DPYSL2: variants seen among roughly 807,000 people sequenced by gnomAD.
The protein encoded by DPYSL2 is dihydropyrimidinase-related protein 2.
In DPYSL2, 13 loss-of-function variants were observed where a neutral mutation model predicts 69.9. The observed-to-expected ratio is 0.19, with a 90% CI of 0.12 to 0.30. The LOEUF is 0.30. Among genes scored for constraint, DPYSL2 ranks in the 10% least tolerant of loss-of-function variants. The pLI, the probability that DPYSL2 is intolerant of heterozygous loss-of-function variation, is 1.00. For missense variants in DPYSL2, 587 were observed against 918.9 expected (o/e 0.64, Z 4.67); for synonymous variants, 326 against 359.1 (o/e 0.91, Z 1.04).
rs186446898 is a variant in DPYSL2, at chr8:26,529,506, A to G, written c.354+14827A>G. ...TCATTTTTTAATTTTTTGTAGAGAC[A>G]TGGCCTCATTTTGTTCTCCAGGCTG... On this transcript the variant is annotated intron_variant, in intron 1 of 13. Coordinates refer to ENST00000521913, the MANE Select transcript of DPYSL2 (RefSeq NM_001197293.3). 2.3e-3 allele frequency among the ~76,000 whole-genome samples: 352 copies of G among 152,004 alleles called. 2 individuals carry two copies. The highest frequency in any genetic ancestry group is 8.3e-3 in the African/African-American group (343 of 41,462).
intron 1 of DPYSL2, among the ~76,000 whole-genome samples, chr8:26,529,431 G>A (rs1800459627): frequency 6.6e-6 from 1 of 152,018 alleles, no homozygotes; most frequent in African/African-American, 2.4e-5. Context: ...CTGGGCTCAT[G>A]TGATTTTCTT....
At chr8:26,567,716 A>G (rs1801174717) in intron 1 of DPYSL2, among the ~76,000 whole-genome samples, 1 of 152,176 alleles carries the variant, frequency 6.6e-6, no homozygotes, top group Non-Finnish European at 1.5e-5. Context: ...ATGCTGGGAG[A>G]GGCAGGCATG....
rs1803395851 is a variant in DPYSL2 at position 26,656,528 on chromosome 8, C to CTT, written c.*823_*824insTT. On this transcript the variant is annotated 3_prime_UTR_variant, in exon 14 of 14. Transcript: ENST00000521913. ...CATGAATATTTTCGTGTCTGTCTCTCTCTCTCTCTGTGTTTCCTCCAGCCC... is the reference window on the plus strand; with the variant it reads ...CATGAATATTTTCGTGTCTGTCTCTCTTTCTCTCTCTGTGTTTCCTCCAGCCC... 1 of 152,494 alleles carries CTT rather than the reference C, an allele frequency of 6.6e-6. No homozygotes were observed. Among genetic ancestry groups the CTT allele is most frequent in the Admixed American group, 6.6e-5 (1 of 15,266 alleles). The allele number at this position is 152,494 out of a possible 1,614,324, so 9.4% of individuals were successfully genotyped here. A position where few individuals can be genotyped will look rare whatever the true frequency, so the allele number is the denominator to read the frequency against.
At chr8:26,524,512 T>A (rs1359975003) in intron 1 of DPYSL2, among the ~76,000 whole-genome samples, 1 of 152,042 alleles carries the variant, frequency 6.6e-6, no homozygotes, top group Non-Finnish European at 1.5e-5. Context: ...TAAAAATGAA[T>A]GAGGGCCGAG....
At chr8:26,549,472 G>A (rs555646507) in intron 1 of DPYSL2, among the ~76,000 whole-genome samples, 9 of 152,158 alleles carry the variant, frequency 5.9e-5, no homozygotes, top group Non-Finnish European at 1.0e-4. Flanking sequence ...ATCAGAGGGA[G>A]CAGAAAGACA....
At chr8:26,651,664 G>A (rs1404012110) in intron 11 of DPYSL2, among the ~76,000 whole-genome samples, 1 of 152,192 alleles carries the variant, frequency 6.6e-6, no homozygotes, top group Admixed American at 6.5e-5. Context: ...ATATGTCTCT[G>A]TTTTACCCGG....
At chr8:26,530,149 A>C (rs947433930) in intron 1 of DPYSL2, among the ~76,000 whole-genome samples, 2 of 151,578 alleles carry the variant, frequency 1.3e-5, no homozygotes, top group Non-Finnish European at 2.9e-5. Flanking sequence ...AAGAAAGAAA[A>C]GAATTAACTG....
At chr8:26,568,318 C>T (rs1316433641) in intron 1 of DPYSL2, among the ~76,000 whole-genome samples, 3 of 152,132 alleles carry the variant, frequency 2.0e-5, no homozygotes, top group African/African-American at 2.4e-5. Context: ...CATCACGTGC[C>T]ATTCACCTGT....
intron 1 of DPYSL2, among the ~76,000 whole-genome samples, chr8:26,581,539 A>AT (rs1425198393): frequency 6.6e-6 from 1 of 151,400 alleles, no homozygotes; most frequent in Non-Finnish European, 1.5e-5. Flanking sequence ...TGCCCAGCCC[A>AT]TTTTTTGTAT....
At chr8:26,543,635 G>A (rs889675527) in intron 1 of DPYSL2, among the ~76,000 whole-genome samples, 1 of 152,082 alleles carries the variant, frequency 6.6e-6, no homozygotes, top group Admixed American at 6.6e-5. Flanking sequence ...TTACAGGCAT[G>A]TGCCACCACG....
chr8:26,524,525 C>T (rs946698402), intron 1 of DPYSL2, among the ~76,000 whole-genome samples: 13 of 151,906 alleles, frequency 8.6e-5, no homozygotes, highest in East Asian at 1.9e-4. Context: ...GGGCCGAGCG[C>T]GCTAGCTCAT....
chr8:26,520,738 A>G (rs1563372711), intron 1 of DPYSL2, among the ~76,000 whole-genome samples: 1 of 152,218 alleles, frequency 6.6e-6, no homozygotes, highest in East Asian at 1.9e-4. Flanking sequence ...ACAAATTACC[A>G]TGACCAGGTG....
intron 1 of DPYSL2, among the ~76,000 whole-genome samples, chr8:26,540,562 A>G (rs1158637553): frequency 2.6e-5 from 4 of 152,194 alleles, no homozygotes; most frequent in African/African-American, 4.8e-5. Context: ...GTGCTCCTTA[A>G]CAATGGATGT....
At position 26,620,325 on chromosome 8, in the gene DPYSL2, C is replaced by T. The variant is rs1233780587; in HGVS notation, c.629-3818C>T. 2.6e-5 allele frequency among the ~76,000 whole-genome samples: 4 copies of T among 152,076 alleles called. No homozygotes were observed. The highest frequency in any genetic ancestry group is 4.8e-5 in the African/African-American group (2 of 41,374). ...AAGCTGGAGTGCAGTGGTGCAATCTCAGCTCACTGCAACCTCCGCCTCCTG... is the reference window on the plus strand; with the variant it reads ...AAGCTGGAGTGCAGTGGTGCAATCTTAGCTCACTGCAACCTCCGCCTCCTG... On this transcript the variant is annotated intron_variant, in intron 3 of 13. Coordinates refer to ENST00000521913, the MANE Select transcript of DPYSL2 (RefSeq NM_001197293.3). This position sits in a 1 kb window ranked among gnomAD's most constrained non-coding sequence, Gnocchi z 4.5.
chr8:26,546,968 C>T (rs1485847544), intron 1 of DPYSL2, among the ~76,000 whole-genome samples: 1 of 131,132 alleles, frequency 7.6e-6, no homozygotes, highest in African/African-American at 2.9e-5. Context: ...AAAAATCCTG[C>T]AGAAACTGAA....
At chr8:26,529,218 A>G (rs1387062770) in intron 1 of DPYSL2, among the ~76,000 whole-genome samples, 2 of 151,946 alleles carry the variant, frequency 1.3e-5, no homozygotes, top group South Asian at 2.1e-4. Context: ...CTGGCCTCAT[A>G]TATATATAAA....
chr8:26,653,164 A>G lies in DPYSL2; in HGVS notation c.1777-68A>G. 6.4e-7 allele frequency: 1 copy of G among 1,550,802 alleles called. No homozygotes were observed. On this transcript the variant is annotated intron_variant, in intron 12 of 13. Coordinates refer to ENST00000521913, the MANE Select transcript of DPYSL2 (RefSeq NM_001197293.3). This position sits in a 1 kb window ranked among gnomAD's most constrained non-coding sequence, Gnocchi z 5.7. Reference sequence around the variant, plus strand: ...GATCTCACAGGCCCATCCTCCCTCCAGGAGGGTTTCTAGAGAGGTATCCTC... The same window carrying G: ...GATCTCACAGGCCCATCCTCCCTCCGGGAGGGTTTCTAGAGAGGTATCCTC...
At chr8:26,550,739 C>A (rs1018166651) in intron 1 of DPYSL2, among the ~76,000 whole-genome samples, 1 of 152,170 alleles carries the variant, frequency 6.6e-6, no homozygotes. Flanking sequence ...TGTCTGCAAG[C>A]TGGAGAACCA....
chr8:26,589,173 C>T (rs1354115095), intron 3 of DPYSL2, among the ~76,000 whole-genome samples: 1 of 152,216 alleles, frequency 6.6e-6, no homozygotes, highest in Non-Finnish European at 1.5e-5. Flanking sequence ...ATTGTCATCT[C>T]AGCCAGGGAT....
Sources: allele counts gnomAD v4.1 joint callset (sites outside exome capture counted in the v4.1 genomes callset), GRCh38; gene constraint gnomAD v4.1.1; non-coding constraint Gnocchi (gnomAD v3.1); transcripts MANE v1.5; gene names NCBI Gene and HGNC (gene_info 2026-07-23, HGNC 2026-07-21).